The following TAC4 variants were observed in gnomAD, a reference collection of about 807,000 sequenced individuals.
The protein encoded by TAC4 is tachykinin-4.
Under a neutral mutation model 17.7 loss-of-function variants are expected in TAC4, and 17 were observed. That is an observed-to-expected ratio of 0.96 (90% CI 0.66 to 1.44). TAC4 has a LOEUF of 1.44. Ranked by LOEUF, TAC4 falls within the 40% of genes most tolerant of loss-of-function variation. The pLI is 0.00. For synonymous variants in TAC4, 62 were observed against 52.4 expected (o/e 1.18, Z -0.79); for missense variants, 118 against 125.6 (o/e 0.94, Z 0.29).
intron 2 of TAC4, among the ~76,000 whole-genome samples, chr17:49,842,185 T>C (rs757928095): frequency 2.0e-5 from 3 of 151,920 alleles, no homozygotes; most frequent in African/African-American, 7.3e-5. Flanking sequence ...AAGAAGTATT[T>C]TCTCTGACAT....
intron 2 of TAC4, 114 bp from the exon 3 acceptor site, chr17:49,841,698 G>T (rs2074499468): frequency 1.9e-6 from 2 of 1,067,266 alleles, no homozygotes; most frequent in Non-Finnish European, 2.6e-6. Context: ...GTCTTCAGTA[G>T]AATTCTAGTC....
chr17:49,843,636 C>T (rs966570073), intron 2 of TAC4, among the ~76,000 whole-genome samples: 5 of 152,174 alleles, frequency 3.3e-5, no homozygotes, highest in African/African-American at 1.2e-4. Context: ...CTTTGTCGCC[C>T]AGGCTGGAGT....
At chr17:49,844,022 C>G in intron 2 of TAC4, 42 bp downstream of exon 2, 1 of 1,592,776 alleles carries the variant, frequency 6.3e-7, no homozygotes. Flanking sequence ...AGAACCCACT[C>G]AGAACCCCTG....
intron 2 of TAC4, 107 bp downstream of exon 2, chr17:49,843,956 TG>T: frequency 1.1e-6 from 1 of 942,058 alleles, no homozygotes; most frequent in Non-Finnish European, 1.7e-6. Context: ...CCTACTGGAC[TG>T]GAGTACCTGA....
Position 49,846,070 on chromosome 17 carries a change from C to T in TAC4, c.105+1843G>A, listed in dbSNP as rs563471832. ...CCACTTATGAATTCAATAGGACTGA[C>T]CTTTCTCCCCCACTGGGTTTCTGTG... On this transcript the variant is annotated intron_variant, in intron 1 of 4. Transcript: ENST00000436235. 31 of 457,684 alleles carry T rather than the reference C, an allele frequency of 6.8e-5. 1 individual carries two copies. Among genetic ancestry groups the T allele is most frequent in the South Asian group, 6.3e-4 (31 of 49,326 alleles). The allele number at this position is 457,684 out of a possible 1,614,324, so 28.4% of individuals were successfully genotyped here.
rs1270603943 is a variant in TAC4 at position 49,847,966 on chromosome 17, CAG to C, written c.50_51del (p.Thr17SerfsTer4). 1.9e-6 allele frequency: 3 copies of C among 1,614,110 alleles called. No individual in the cohort carries two copies. The African/African-American group carries it at 4.0e-5, about 22-fold the overall frequency. On this transcript the variant is annotated frameshift_variant, in exon 1 of 5. Coordinates refer to ENST00000436235, the MANE Select transcript of TAC4 (RefSeq NM_001077506.2). LOFTEE classifies it high-confidence loss of function. Reference sequence around the variant, plus strand: ...TGTTCCTCTCCACCATCACCTGCCACAGTGCACACGGACAGCTCCATCAGGAG... The same window carrying C: ...TGTTCCTCTCCACCATCACCTGCCACTGCACACGGACAGCTCCATCAGGAG... ...LLLLMELSVCTVAGDGGEEQT... is the reference protein window; with the variant it reads ...LLLLMELSVCXVAGDGGEEQT...
chr17:49,847,018 G>A, intron 1 of TAC4: 3 of 1,290,086 alleles, frequency 2.3e-6, no homozygotes, highest in Non-Finnish European at 3.0e-6. Flanking sequence ...CACACTTCCA[G>A]GTTCAGACAA....
At chr17:49,846,872 A>G (rs1444518506) in intron 1 of TAC4, 11 of 1,072,112 alleles carry the variant, frequency 1.0e-5, no homozygotes, top group Non-Finnish European at 1.3e-5. Context: ...CACTGACTAT[A>G]AAAGCATATC....
chr17:49,843,786 G>A (rs940864452), intron 2 of TAC4, among the ~76,000 whole-genome samples: 6 of 152,108 alleles, frequency 3.9e-5, no homozygotes, highest in African/African-American at 1.4e-4. Flanking sequence ...TAGAGATGGG[G>A]TTTCACCATG....
intron 1 of TAC4, 118 bp from the exon 2 acceptor site, chr17:49,844,275 C>G: frequency 1.2e-6 from 1 of 845,818 alleles, no homozygotes; most frequent in Non-Finnish European, 2.0e-6. Flanking sequence ...TTGCTGTGCA[C>G]TGGCACTGGG....
rs146522271 is a variant in TAC4 at position 49,847,079 on chromosome 17, G to A, written c.105+834C>T. 806 of 1,289,986 alleles carry A rather than the reference G, an allele frequency of 6.2e-4. 1 individual carries two copies. The highest frequency in any genetic ancestry group is 9.6e-4 in the Admixed American group (42 of 43,550). 79.9% of individuals were successfully genotyped at this position (1,289,986 alleles called of 1,614,324 possible). ...GACTGTCCATGTGATGGCTCTTCCCGTGGCTCCATTTCTAAGCGCCTCCGA... is the reference window on the plus strand; with the variant it reads ...GACTGTCCATGTGATGGCTCTTCCCATGGCTCCATTTCTAAGCGCCTCCGA... On this transcript the variant is annotated intron_variant, in intron 1 of 4. Coordinates refer to ENST00000436235, the MANE Select transcript of TAC4 (RefSeq NM_001077506.2).
In TAC4 at chr17:49,844,679, A is replaced by T. The variant is rs2074524258; in HGVS notation, c.106-522T>A. Reference sequence around the variant, plus strand: ...AGGCTGAGGCAGGAGAATTGCTTGAACCTGGGAGGCAGAGGCTGCAGTGAG... The same window carrying T: ...AGGCTGAGGCAGGAGAATTGCTTGATCCTGGGAGGCAGAGGCTGCAGTGAG... On this transcript the variant is annotated intron_variant, in intron 1 of 4. Transcript: ENST00000436235. Among the ~76,000 whole-genome samples the T allele has an allele frequency of 2.0e-5, 3 of 152,096 alleles. No individual in the cohort carries two copies. The East Asian group carries it at 5.8e-4, about 29-fold the overall frequency.
chr17:49,842,882 T>G (rs1344723991), intron 2 of TAC4, among the ~76,000 whole-genome samples: 1 of 152,252 alleles, frequency 6.6e-6, no homozygotes, highest in African/African-American at 2.4e-5. Context: ...ATCTGTAACA[T>G]GCTTTTTCCC....
intron 2 of TAC4, among the ~76,000 whole-genome samples, chr17:49,842,842 T>C (rs1001020421): frequency 1.3e-5 from 2 of 152,240 alleles, no homozygotes; most frequent in Non-Finnish European, 2.9e-5. Flanking sequence ...TGTCGTTTTT[T>C]AAAAACAAGT....
chr17:49,839,936 A>G (rs2074484298), intron 3 of TAC4, 27 bp from the exon 4 acceptor site: 4 of 1,610,616 alleles, frequency 2.5e-6, no homozygotes, highest in South Asian at 1.1e-5. Context: ...GAAGTGGTAG[A>G]GGAGAGAGGC....
At chr17:49,841,610 C>G (rs202055234) in intron 2 of TAC4, 26 bp from the exon 3 acceptor site, 2 of 1,550,918 alleles carry the variant, frequency 1.3e-6, no homozygotes, top group Non-Finnish European at 1.7e-6. Flanking sequence ...GGAATGAGGA[C>G]TACGGACTGC....
At chr17:49,847,518 T>G (rs2074551676) in intron 1 of TAC4, 2 of 345,442 alleles carry the variant, frequency 5.8e-6, no homozygotes, top group Non-Finnish European at 1.1e-5. Flanking sequence ...TTGGACAAAC[T>G]ACTTGACTTC....
chr17:49,841,388 A>G (rs1211288032), intron 3 of TAC4, among the ~76,000 whole-genome samples, 164 bp downstream of exon 3: 1 of 151,912 alleles, frequency 6.6e-6, no homozygotes, highest in Non-Finnish European at 1.5e-5. Flanking sequence ...ACAACCAGAA[A>G]GCCTAGCATG....
chr17:49,846,532 C>G (rs951978327), intron 1 of TAC4, among the ~76,000 whole-genome samples: 1 of 152,192 alleles, frequency 6.6e-6, no homozygotes, highest in Non-Finnish European at 1.5e-5. Flanking sequence ...CTGCCTCTGC[C>G]TCCCAAAGTG....
Sources: gnomAD v4.1 joint callset for allele counts (sites outside exome capture counted in the v4.1 genomes callset) on GRCh38, gnomAD v4.1.1 for gene constraint, MANE v1.5 for transcripts, NCBI Gene and HGNC (gene_info 2026-07-23, HGNC 2026-07-21) for gene names.